Variants in DCUN1D1 observed in about 807,000 individuals in gnomAD.
DCUN1D1 encodes defective in cullin neddylation 1 domain containing 1, also known as DCN1-like protein 1.
A neutral mutation model predicts 39.0 loss-of-function variants in DCUN1D1; 3 were observed. The ratio of observed to expected loss-of-function variants is 0.08; its 90% CI spans 0.04 to 0.20. The LOEUF (loss-of-function observed/expected upper bound fraction) is 0.20. Ranked by LOEUF, DCUN1D1 falls within the 10% of genes least tolerant of loss-of-function variation. DCUN1D1 has a pLI of 1.00. For missense variants in DCUN1D1, 158 were observed against 302.4 expected, an observed-to-expected ratio of 0.52 and a Z score of 3.54; for synonymous variants, 82 against 96.3, an observed-to-expected ratio of 0.85 and a Z score of 0.87.
chr3:182,970,354 C>A (rs1383080675), intron 1 of DCUN1D1, among the ~76,000 whole-genome samples: 1 of 152,038 alleles, frequency 6.6e-6, no homozygotes, highest in Non-Finnish European at 1.5e-5. Flanking sequence ...AAAAGCCTTC[C>A]CATTAAAAGT....
At chr3:182,961,155 T>C in intron 4 of DCUN1D1, 71 bp downstream of exon 4, 1 of 1,096,568 alleles carries the variant, frequency 9.1e-7, no homozygotes, top group South Asian at 1.6e-5. Flanking sequence ...TAACTTTCTA[T>C]TACAAAAACG....
chr3:182,967,374 A>G (rs562776964), intron 1 of DCUN1D1, among the ~76,000 whole-genome samples: 6 of 152,050 alleles, frequency 3.9e-5, no homozygotes, highest in Non-Finnish European at 5.9e-5. Context: ...TCCATAAATC[A>G]TACTGCTTGC....
chr3:182,939,315 CG>C lies in DCUN1D1; in HGVS notation c.*5778del, dbSNP rs1726036167. ...AAAAGTTCAGCAGTTTTTTTAAAAA[CG>C]TTAGGTATAAATTTACCACACAACC... On this transcript the variant is annotated 3_prime_UTR_variant, in exon 7 of 7. Coordinates refer to ENST00000292782, the MANE Select transcript of DCUN1D1 (RefSeq NM_020640.4). The C allele has an allele frequency of 6.6e-6, 1 of 152,204 alleles. No homozygotes were observed. Among genetic ancestry groups the C allele is most frequent in the African/African-American group, 2.4e-5 (1 of 41,512 alleles). The allele number at this position is 152,204 out of a possible 1,614,324, so 9.4% of individuals were successfully genotyped here.
chr3:182,964,497 C>G (rs1325049874), intron 2 of DCUN1D1, among the ~76,000 whole-genome samples: 1 of 152,090 alleles, frequency 6.6e-6, no homozygotes, highest in East Asian at 1.9e-4. Context: ...CAATTCAACC[C>G]TAATCTCAAC....
chr3:182,972,050 GT>G (rs397877483), intron 1 of DCUN1D1, among the ~76,000 whole-genome samples: 13,623 of 108,850 alleles, frequency 0.13, 446 homozygotes, highest in Non-Finnish European at 0.16. Flanking sequence ...TCTATTTAGG[GT>G]TTTTTTTTTT....
intron 1 of DCUN1D1, among the ~76,000 whole-genome samples, chr3:182,968,043 C>A (rs976154128): frequency 6.6e-6 from 1 of 152,074 alleles, no homozygotes; most frequent in East Asian, 1.9e-4. Context: ...TGCAAGTACA[C>A]CAACCACAGA....
Position 182,947,525 on chromosome 3 carries a change from A to G in DCUN1D1, c.603+25T>C, listed in dbSNP as rs201931635. 384 of 1,353,746 alleles carry G rather than the reference A, an allele frequency of 2.8e-4. 1 individual carries two copies. In the African/African-American group the frequency reaches 5.2e-3, roughly 18 times the overall value. 83.9% of individuals were successfully genotyped at this position (1,353,746 alleles called of 1,614,324 possible). ...CATAGCAGAATTTGAGAAAACAGAGAGAAATGTAGAAAATGTGAACTTACC... is the reference window on the plus strand; with the variant it reads ...CATAGCAGAATTTGAGAAAACAGAGGGAAATGTAGAAAATGTGAACTTACC... On this transcript the variant is annotated intron_variant, in intron 5 of 6. Transcript: ENST00000292782.
intron 4 of DCUN1D1, among the ~76,000 whole-genome samples, chr3:182,951,578 T>C (rs1340229673): frequency 1.8e-5 from 2 of 108,486 alleles, no homozygotes; most frequent in African/African-American, 3.6e-5. Flanking sequence ...ATTGTGCCAC[T>C]GCACTCCAGC....
chr3:182,974,976 C>T (rs945941998), intron 1 of DCUN1D1, among the ~76,000 whole-genome samples: 1 of 152,048 alleles, frequency 6.6e-6, no homozygotes, highest in African/African-American at 2.4e-5. Context: ...CACAAAGCAA[C>T]TGAATCCTAT....
chr3:182,947,419 T>C (rs1463595731), intron 5 of DCUN1D1, 85 bp from the exon 6 acceptor site: 5 of 1,131,020 alleles, frequency 4.4e-6, no homozygotes, highest in Non-Finnish European at 6.4e-6. Flanking sequence ...AATACAAGAA[T>C]GCAAAACAAT....
upstream of DCUN1D1, among the ~76,000 whole-genome samples, chr3:182,982,654 T>C (rs1203310530): frequency 6.6e-6 from 1 of 152,172 alleles, no homozygotes; most frequent in Non-Finnish European, 1.5e-5. Flanking sequence ...TTTTTTTGTT[T>C]GTTTTTGAGA....
At chr3:182,961,474 G>T in intron 3 of DCUN1D1, 118 bp from the exon 4 acceptor site, 1 of 955,486 alleles carries the variant, frequency 1.0e-6, no homozygotes, top group Non-Finnish European at 1.6e-6. Flanking sequence ...AAATCAAATA[G>T]TTCGAATTCA....
chr3:182,968,487 TAA>T (rs1181103250), intron 1 of DCUN1D1, among the ~76,000 whole-genome samples: 1 of 152,004 alleles, frequency 6.6e-6, no homozygotes, highest in African/African-American at 2.4e-5. Flanking sequence ...GAAACAAAGA[TAA>T]AAAACTGTCT....
At chr3:182,959,299 C>G in intron 4 of DCUN1D1, among the ~76,000 whole-genome samples, 1 of 152,074 alleles carries the variant, frequency 6.6e-6, no homozygotes, top group East Asian at 1.9e-4. Context: ...TCAATTCAGT[C>G]ATGTTTAGTA....
intron 4 of DCUN1D1, 88 bp from the exon 5 acceptor site, chr3:182,947,720 C>A: frequency 1.3e-6 from 1 of 764,562 alleles, no homozygotes; most frequent in South Asian, 1.8e-5. Context: ...ACAGGTATGA[C>A]CAAAGAAAGT....
At chr3:182,969,480 A>C (rs1727829453) in intron 1 of DCUN1D1, among the ~76,000 whole-genome samples, 2 of 152,242 alleles carry the variant, frequency 1.3e-5, no homozygotes, top group South Asian at 2.1e-4. Flanking sequence ...TTCTACTACA[A>C]ACCCAGTGGG....
At position 182,957,996 on chromosome 3, in the gene DCUN1D1, TAGCACAGCTA is replaced by T. The variant is rs1577175598; in HGVS notation, c.520+3220_520+3229del. On this transcript the variant is annotated intron_variant, in intron 4 of 6. Transcript: ENST00000292782. Reference sequence around the variant, plus strand: ...GGAATACACCAGTTCTCATTTTAATTAGCACAGCTATTTATAAACAAACCACAGGGTTGTC... The same window carrying T: ...GGAATACACCAGTTCTCATTTTAATTTTTATAAACAAACCACAGGGTTGTC... Among the ~76,000 whole-genome samples, 4 of 149,968 alleles carry T rather than the reference TAGCACAGCTA, an allele frequency of 2.7e-5. 1 individual carries two copies. Among genetic ancestry groups the T allele is most frequent in the Admixed American group, 1.3e-4 (2 of 14,980 alleles).
intron 1 of DCUN1D1, among the ~76,000 whole-genome samples, chr3:182,975,173 G>A (rs1487610134): frequency 6.7e-6 from 1 of 148,914 alleles, no homozygotes; most frequent in African/African-American, 2.5e-5. Flanking sequence ...AATTAACACA[G>A]AATTTTTTTT....
At chr3:182,951,624 A>C (rs1726749416) in intron 4 of DCUN1D1, among the ~76,000 whole-genome samples, 1 of 144,658 alleles carries the variant, frequency 6.9e-6, no homozygotes, top group Admixed American at 6.8e-5. Flanking sequence ...TCCCAAAAAA[A>C]AAAAAAAAAA....
Sources: gnomAD v4.1 joint callset for allele counts (sites outside exome capture counted in the v4.1 genomes callset) on GRCh38, gnomAD v4.1.1 for gene constraint, MANE v1.5 for transcripts, NCBI Gene and HGNC (gene_info 2026-07-23, HGNC 2026-07-21) for gene names.